The following CFAP299 variants were observed in gnomAD, a reference collection of about 807,000 sequenced individuals.
CFAP299 encodes the protein cilia and flagella associated protein 299.
Under a neutral mutation model 27.0 loss-of-function variants are expected in CFAP299, and 21 were observed. The observed-to-expected ratio is 0.78, with a 90% CI of 0.55 to 1.12. CFAP299 has a LOEUF of 1.12. Among genes scored for constraint, CFAP299 ranks in the 50% most tolerant of loss-of-function variants. The pLI is 0.00. For missense variants in CFAP299, 310 were observed against 276.6 expected, an observed-to-expected ratio of 1.12 and a Z score of -0.86; for synonymous variants, 104 against 98.1, an observed-to-expected ratio of 1.06 and a Z score of -0.36.
chr4:80,607,877 T>C (rs1417076431), intron 3 of CFAP299, among the ~76,000 whole-genome samples: 2 of 152,188 alleles, frequency 1.3e-5, no homozygotes, highest in African/African-American at 4.8e-5. Flanking sequence ...AGAAATGTAA[T>C]TATGGTCATG....
intron 2 of CFAP299, among the ~76,000 whole-genome samples, chr4:80,489,751 C>G (rs974369283): frequency 6.6e-6 from 1 of 152,108 alleles, no homozygotes; most frequent in Non-Finnish European, 1.5e-5. Context: ...TTAAACTTAC[C>G]AGTCTACTTG....
chr4:80,393,818 T>G (rs1725627157), intron 2 of CFAP299, among the ~76,000 whole-genome samples: 1 of 152,146 alleles, frequency 6.6e-6, no homozygotes, highest in Admixed American at 6.5e-5. Context: ...ACCATTTGTA[T>G]GTTGATATGG....
intron 3 of CFAP299, among the ~76,000 whole-genome samples, chr4:80,761,172 C>T (rs1240234005): frequency 5.3e-5 from 8 of 152,104 alleles, no homozygotes; most frequent in African/African-American, 1.9e-4. Flanking sequence ...TGCCTCAAAA[C>T]AGATGTTTTA....
intron 1 of CFAP299, among the ~76,000 whole-genome samples, chr4:80,349,932 T>A (rs1488224800): frequency 6.6e-6 from 1 of 152,128 alleles, no homozygotes; most frequent in African/African-American, 2.4e-5. Flanking sequence ...AGAATATAAT[T>A]ACATATAGGC....
chr4:80,577,223 TATAAA>T (rs1194173621), intron 2 of CFAP299, among the ~76,000 whole-genome samples: 6 of 152,176 alleles, frequency 3.9e-5, no homozygotes. Flanking sequence ...ATAATGAAGT[TATAAA>T]TATACTTCCT....
intron 4 of CFAP299, among the ~76,000 whole-genome samples, chr4:80,903,820 C>T (rs1735051811): frequency 6.6e-6 from 1 of 151,978 alleles, no homozygotes; most frequent in South Asian, 2.1e-4. Context: ...AGTAATGTAA[C>T]ACATAGTCTC....
chr4:80,691,229 A>T (rs1425497941), intron 3 of CFAP299, among the ~76,000 whole-genome samples: 5 of 127,498 alleles, frequency 3.9e-5, no homozygotes, highest in African/African-American at 1.2e-4. Context: ...AGCTGGGCAG[A>T]GACACAACCA....
intron 3 of CFAP299, among the ~76,000 whole-genome samples, chr4:80,770,015 A>G (rs1007445550): frequency 6.6e-5 from 10 of 152,082 alleles, no homozygotes; most frequent in African/African-American, 2.4e-4. Flanking sequence ...TTTTTATGAA[A>G]AGTAGCAAAC....
At chr4:80,961,289 A>C (rs1235339068) in intron 5 of CFAP299, among the ~76,000 whole-genome samples, 2 of 151,772 alleles carry the variant, frequency 1.3e-5, no homozygotes, top group African/African-American at 4.8e-5. Flanking sequence ...TAACACTGAT[A>C]AATCATAGAA....
intron 4 of CFAP299, among the ~76,000 whole-genome samples, chr4:80,940,519 G>A (rs1331523424): frequency 6.6e-6 from 1 of 152,134 alleles, no homozygotes; most frequent in African/African-American, 2.4e-5. Context: ...CACGAACGGG[G>A]TTCTAGAATC....
intron 3 of CFAP299, among the ~76,000 whole-genome samples, chr4:80,804,429 T>A (rs1728762719): frequency 6.6e-6 from 1 of 152,190 alleles, no homozygotes; most frequent in East Asian, 1.9e-4. Flanking sequence ...TCAAGGTGCA[T>A]TAATGTTGTA....
intron 2 of CFAP299, chr4:80,387,790 C>T (rs1008734360): frequency 6.3e-6 from 10 of 1,584,856 alleles, no homozygotes; most frequent in East Asian, 2.2e-5. Context: ...ACAGTATGGG[C>T]ACTTGAGTTT....
At chr4:80,714,984 A>G (rs1722396026) in intron 3 of CFAP299, among the ~76,000 whole-genome samples, 1 of 152,104 alleles carries the variant, frequency 6.6e-6, no homozygotes, top group Non-Finnish European at 1.5e-5. Context: ...TTTATGTTCA[A>G]GCTACCTAGA....
intron 3 of CFAP299, among the ~76,000 whole-genome samples, chr4:80,734,079 C>T (rs909512608): frequency 6.6e-6 from 1 of 152,122 alleles, no homozygotes; most frequent in Non-Finnish European, 1.5e-5. Flanking sequence ...TTTATATTCC[C>T]ACCAACAGTG....
intron 3 of CFAP299, among the ~76,000 whole-genome samples, chr4:80,801,360 T>A (rs1465908487): frequency 6.6e-6 from 1 of 152,018 alleles, no homozygotes; most frequent in African/African-American, 2.4e-5. Flanking sequence ...TAATGATGTA[T>A]TAATTTTTAT....
intron 3 of CFAP299, among the ~76,000 whole-genome samples, chr4:80,671,827 A>AT: frequency 6.6e-6 from 1 of 152,118 alleles, no homozygotes; most frequent in Middle Eastern, 3.4e-3. Flanking sequence ...AATGCTTGTG[A>AT]TTTTTGCACA....
chr4:80,497,910 C>T (rs1466505985), intron 2 of CFAP299, among the ~76,000 whole-genome samples: 2 of 152,070 alleles, frequency 1.3e-5, no homozygotes, highest in African/African-American at 4.8e-5. Context: ...GGAAAACAGA[C>T]ACATAGACCA....
chr4:80,754,023 G>T (rs1333420533), intron 3 of CFAP299, among the ~76,000 whole-genome samples: 1 of 152,226 alleles, frequency 6.6e-6, no homozygotes, highest in African/African-American at 2.4e-5. Flanking sequence ...TTTGTCTCCA[G>T]TCCATGAGTT....
At chr4:80,495,381 T>C (rs1731382560) in intron 2 of CFAP299, among the ~76,000 whole-genome samples, 2 of 152,236 alleles carry the variant, frequency 1.3e-5, no homozygotes, top group Admixed American at 6.5e-5. Context: ...AGCCAATTCT[T>C]GGTTACTGTA....
Sources: gnomAD v4.1 joint callset for allele counts (sites outside exome capture counted in the v4.1 genomes callset) on GRCh38, gnomAD v4.1.1 for gene constraint, MANE v1.5 for transcripts, NCBI Gene and HGNC (gene_info 2026-07-23, HGNC 2026-07-21) for gene names.